PPME1: variants seen among roughly 807,000 people sequenced by gnomAD.
PPME1 encodes the protein protein phosphatase methylesterase 1, also known as testicular secretory protein Li 39.
A neutral mutation model predicts 56.9 loss-of-function variants in PPME1; 17 were observed. The observed-to-expected ratio is 0.30, with a 90% CI of 0.20 to 0.45. PPME1 has a LOEUF of 0.45. PPME1 is among the 20% of genes least tolerant of loss of function. The pLI, the probability that PPME1 is intolerant of heterozygous loss-of-function variation, is 1.00. For missense variants in PPME1, 357 were observed against 483.2 expected (o/e 0.74, Z 2.45); for synonymous variants, 122 against 156.2 (o/e 0.78, Z 1.63).
chr11:74,252,560 G>A, intron 13 of PPME1: 1 of 454,470 alleles, frequency 2.2e-6, no homozygotes, highest in African/African-American at 2.0e-5. Context: ...CTCTAGAGCA[G>A]GGTTTTCAAC....
intron 1 of PPME1, among the ~76,000 whole-genome samples, chr11:74,187,915 G>C (rs530600686): frequency 9.8e-5 from 15 of 152,332 alleles, no homozygotes; most frequent in Admixed American, 2.6e-4. Flanking sequence ...GGTAAGCCCA[G>C]TGTAATCACT....
intron 1 of PPME1, among the ~76,000 whole-genome samples, chr11:74,173,368 A>G (rs1857330818): frequency 6.6e-6 from 1 of 152,156 alleles, no homozygotes; most frequent in Non-Finnish European, 1.5e-5. Context: ...ATTTTTAATA[A>G]TTATACATTC....
chr11:74,217,774 A>G (rs750724420), intron 3 of PPME1, among the ~76,000 whole-genome samples: 1 of 152,118 alleles, frequency 6.6e-6, no homozygotes, highest in Non-Finnish European at 1.5e-5. Flanking sequence ...TATAGAAGGA[A>G]TGTAACACAA....
chr11:74,203,495 AT>A (rs1858229273), intron 1 of PPME1, among the ~76,000 whole-genome samples: 2 of 152,190 alleles, frequency 1.3e-5, no homozygotes, highest in Non-Finnish European at 2.9e-5. Flanking sequence ...TCTTAAATCT[AT>A]GTTTGGATTT....
chr11:74,201,664 G>T (rs1433133110), intron 1 of PPME1, among the ~76,000 whole-genome samples: 1 of 152,124 alleles, frequency 6.6e-6, no homozygotes, highest in Non-Finnish European at 1.5e-5. Flanking sequence ...TCTGTTAAAT[G>T]GGCATAAAAA....
chr11:74,251,224 C>T, intron 12 of PPME1: 1 of 1,406,732 alleles, frequency 7.1e-7, no homozygotes, highest in Non-Finnish European at 9.2e-7. Flanking sequence ...GAGCTACTGA[C>T]ACTCTGCTAT....
At chr11:74,231,728 T>G (rs1436544258) in intron 7 of PPME1, among the ~76,000 whole-genome samples, 2 of 152,182 alleles carry the variant, frequency 1.3e-5, no homozygotes, top group Non-Finnish European at 2.9e-5. Context: ...TGCTTCATGG[T>G]TTTAGATTTA....
At chr11:74,195,484 T>A (rs1186831431) in intron 1 of PPME1, among the ~76,000 whole-genome samples, 2 of 152,246 alleles carry the variant, frequency 1.3e-5, no homozygotes, top group Non-Finnish European at 2.9e-5. Context: ...ATTACCCAGA[T>A]ACATCACAGT....
chr11:74,172,623 A>T (rs554387027), intron 1 of PPME1, among the ~76,000 whole-genome samples: 2 of 152,220 alleles, frequency 1.3e-5, no homozygotes, highest in Non-Finnish European at 2.9e-5. Context: ...ACTTGGGCCG[A>T]GGAGAAAGAA....
chr11:74,230,836 T>C lies in PPME1; in HGVS notation c.554-76T>C, dbSNP rs1591057018. The C allele has an allele frequency of 1.1e-5, 12 of 1,064,848 alleles. No individual in the cohort carries two copies. Among genetic ancestry groups the C allele is most frequent in the East Asian group, 5.2e-5 (2 of 38,672 alleles). The allele number at this position is 1,064,848 out of a possible 1,614,324, so 66.0% of individuals were successfully genotyped here. On this transcript the variant is annotated intron_variant, in intron 6 of 13. Transcript: ENST00000328257. The surrounding 1 kb of genome is among the most constrained non-coding windows in gnomAD (Gnocchi z 4.9). ...ATTCTGCTGTCATCAAGAGCAGATATATAGTAGTTGACTCAGTAAGTGTAA... is the reference window on the plus strand; with the variant it reads ...ATTCTGCTGTCATCAAGAGCAGATACATAGTAGTTGACTCAGTAAGTGTAA...
intron 1 of PPME1, among the ~76,000 whole-genome samples, chr11:74,180,673 A>G (rs569044073): frequency 6.6e-6 from 1 of 152,188 alleles, no homozygotes; most frequent in South Asian, 2.1e-4. Flanking sequence ...CAGGCTTGTT[A>G]CTTTTATTTT....
intron 1 of PPME1, among the ~76,000 whole-genome samples, chr11:74,181,381 A>G (rs1857533475): frequency 6.6e-6 from 1 of 152,166 alleles, no homozygotes; most frequent in African/African-American, 2.4e-5. Context: ...TTTAAAACTC[A>G]TGAAGCACTT....
intron 3 of PPME1, chr11:74,205,960 T>C (rs1443793605): frequency 6.6e-6 from 1 of 152,196 alleles, no homozygotes; most frequent in African/African-American, 2.4e-5. Context: ...GTATCCACAA[T>C]ATCACTTCAA....
At chr11:74,222,703 G>A in intron 4 of PPME1, 1 of 306,916 alleles carries the variant, frequency 3.3e-6, no homozygotes, top group Non-Finnish European at 6.4e-6. Flanking sequence ...TGGCCAGGCT[G>A]ATATCAAACT....
intron 1 of PPME1, among the ~76,000 whole-genome samples, chr11:74,186,329 C>T (rs1233820990): frequency 6.6e-6 from 1 of 152,144 alleles, no homozygotes; most frequent in Non-Finnish European, 1.5e-5. Context: ...TCATTACTAT[C>T]CCTACAGCAG....
chr11:74,253,251 G>T (rs916429973), intron 13 of PPME1, among the ~76,000 whole-genome samples: 2 of 152,054 alleles, frequency 1.3e-5, no homozygotes, highest in African/African-American at 2.4e-5. Flanking sequence ...CAACAATAAA[G>T]ACTTAATTTC....
Position 74,231,574 on chromosome 11 carries a change from A to G in PPME1, c.644+572A>G, listed in dbSNP as rs568139429. Among the ~76,000 whole-genome samples the G allele has an allele frequency of 3.8e-4, 58 of 152,352 alleles. 1 individual carries two copies. Among genetic ancestry groups the G allele is most frequent in the Admixed American group, 2.4e-3 (36 of 15,310 alleles). ...TTTAAAAATATTTTAGATTTGGCTCAGTTGTCTGAAACCCATTGTTTTCCC... is the reference window on the plus strand; with the variant it reads ...TTTAAAAATATTTTAGATTTGGCTCGGTTGTCTGAAACCCATTGTTTTCCC... On this transcript the variant is annotated intron_variant, in intron 7 of 13. Transcript: ENST00000328257.
chr11:74,184,069 A>C (rs1857608662), intron 1 of PPME1, among the ~76,000 whole-genome samples: 1 of 152,170 alleles, frequency 6.6e-6, no homozygotes, highest in Non-Finnish European at 1.5e-5. Context: ...TTGTGATTCC[A>C]TATTTATATC....
At chr11:74,253,026 T>C (rs546764106) in intron 13 of PPME1, among the ~76,000 whole-genome samples, 1 of 152,316 alleles carries the variant, frequency 6.6e-6, no homozygotes, top group East Asian at 1.9e-4. Flanking sequence ...GGGAAACTTG[T>C]TCCCCACTCT....
Sources: allele counts gnomAD v4.1 joint callset (sites outside exome capture counted in the v4.1 genomes callset), GRCh38; gene constraint gnomAD v4.1.1; non-coding constraint Gnocchi (gnomAD v3.1); transcripts MANE v1.5; gene names NCBI Gene and HGNC (gene_info 2026-07-23, HGNC 2026-07-21).